Variants in CDH24 observed in about 807,000 individuals in gnomAD.
CDH24 encodes the protein cadherin-24.
Under a neutral mutation model 71.2 loss-of-function variants are expected in CDH24, and 61 were observed. The observed-to-expected ratio is 0.86, with a 90% CI of 0.70 to 1.06. The LOEUF (loss-of-function observed/expected upper bound fraction) is 1.06. CDH24 is among the 50% of genes least tolerant of loss of function. CDH24 has a pLI of 0.00. For synonymous variants in CDH24, 440 were observed against 470.2 expected, an observed-to-expected ratio of 0.94 and a Z score of 0.83; for missense variants, 961 against 1,083.7, an observed-to-expected ratio of 0.89 and a Z score of 1.59.
chr14:23,049,591 A>G (rs770013051), intron 10 of CDH24, 36 bp downstream of exon 10: 26 of 1,232,318 alleles, frequency 2.1e-5, no homozygotes, highest in Non-Finnish European at 2.6e-5. Flanking sequence ...AAGGGGACAG[A>G]GGCAGGTATG....
In CDH24 at chr14:23,050,493, C is replaced by CCACACACACACA. The variant is rs10553168; in HGVS notation, c.1364-562_1364-551dup. 3.1e-3 allele frequency among the ~76,000 whole-genome samples: 448 copies of CCACACACACACA among 144,876 alleles called. 3 individuals carry two copies. The highest frequency in any genetic ancestry group is 0.01 in the African/African-American group (410 of 39,240). ...TGGGGTGGACAGACACATATACACA[C>CCACACACACACA]CACACACACACACACACACACACAC... On this transcript the variant is annotated intron_variant, in intron 8 of 12. Coordinates refer to ENST00000487137, the MANE Select transcript of CDH24 (RefSeq NM_144985.4).
rs2139950337 is a variant in CDH24 at position 23,054,840 on chromosome 14, G to A, written c.523C>T (p.His175Tyr). 4 of 1,613,574 alleles carry A rather than the reference G, an allele frequency of 2.5e-6. No individual in the cohort carries two copies. The highest frequency in any genetic ancestry group is 1.1e-5 in the South Asian group (1 of 91,038). Residue 175 changes from histidine (H) to tyrosine (Y), a missense_variant, in exon 4 of 13, where the codon CAC (histidine) becomes TAC (tyrosine). Around this residue, in one of 2 missense-constraint regions of CDH24, gnomAD observed 671 missense variants for 810.9 expected, o/e 0.83. Coordinates refer to ENST00000487137, the MANE Select transcript of CDH24 (RefSeq NM_144985.4). The surrounding 1 kb of genome is among the most constrained non-coding windows in gnomAD (Gnocchi z 5.2). ...CCATAGCTGGGGTCATCAGCATCGT[G>A]AGCAGTCACCTGGATCACTGATGTC... ...VGTSVIQVTA[H>Y]DADDPSYGNS...
rs1247452535 is a variant in CDH24, at chr14:23,049,661, G to C, written c.1563C>G (p.Gly521=). The part of the protein sequence containing the change: ...SSHVSFQGPL[G]PDANFTVQDN... ...CCTGGACAGTAAAGTTGGCATCAGG[G>C]CCCAGAGGACCTTGAAAGGAGACAT... Residue 521 remains glycine (G), a synonymous_variant, in exon 10 of 13, where the codon GGC becomes GGG. Transcript: ENST00000487137. The C allele has an allele frequency of 6.2e-7, 1 of 1,604,122 alleles. No individual in the cohort carries two copies. The highest frequency in any genetic ancestry group is 1.1e-5 in the South Asian group (1 of 89,346).
Position 23,048,233 on chromosome 14 carries a change from C to T in CDH24, c.2093G>A (p.Gly698Asp). ...ARVSRQPRPP[G>D]PADVAQLLAL... The stretch of plus-strand genomic sequence containing the variant: ...CAGGAGCTGCGCCACGTCGGCGGGG[C>T]CGGGGGGTCTGGGCTGGCGCGACAC... The change falls in exon 12 of 13, where the codon GGC becomes GAC. Residue 698 changes from glycine (G) to aspartate (D), a missense_variant. Gly to Asp is a moderately conservative substitution (Grantham distance 94). This residue lies in a region of CDH24 where 290 missense variants were observed against 272.8 expected (regional missense o/e 1.06). Coordinates refer to ENST00000487137, the MANE Select transcript of CDH24 (RefSeq NM_144985.4). The T allele has an allele frequency of 7.5e-7, 1 of 1,327,948 alleles. No homozygotes were observed. The highest frequency in any genetic ancestry group is 9.6e-7 in the Non-Finnish European group (1 of 1,041,842). The allele number at this position is 1,327,948 out of a possible 1,614,324, so 82.3% of individuals were successfully genotyped here.
Position 23,049,732 on chromosome 14 carries a change from G to C in CDH24, c.1492C>G (p.Gln498Glu). The change falls in exon 10 of 13, where the codon CAG becomes GAG. Residue 498 changes from glutamine (Q) to glutamate (E), a missense_variant. Physicochemically the swap from Gln to Glu is conservative, Grantham distance 29. Around this residue, in one of 2 missense-constraint regions of CDH24, gnomAD observed 671 missense variants for 810.9 expected, o/e 0.83. Coordinates refer to ENST00000487137, the MANE Select transcript of CDH24 (RefSeq NM_144985.4). The part of the protein sequence containing the change: ...CDSAAPGQLI[Q>E]VIRALDRDEV... ...TCTCTGTCCAGGGCCCGGATGACCT[G>C]AATCAGCTGGGAGGAAGAAGAGAGA... 6.2e-7 allele frequency: 1 copy of C among 1,612,002 alleles called. No homozygotes were observed. The highest frequency in any genetic ancestry group is 8.5e-7 in the Non-Finnish European group (1 of 1,178,492).
chr14:23,054,069 C>G lies in CDH24; in HGVS notation c.972+72G>C. The G allele has an allele frequency of 6.9e-7, 1 of 1,445,452 alleles. No individual in the cohort carries two copies. The highest frequency in any genetic ancestry group is 9.3e-7 in the Non-Finnish European group (1 of 1,074,502). The allele number at this position is 1,445,452 out of a possible 1,614,324, so 89.5% of individuals were successfully genotyped here. On this transcript the variant is annotated intron_variant, in intron 6 of 12. Transcript: ENST00000487137. The surrounding 1 kb of genome is among the most constrained non-coding windows in gnomAD (Gnocchi z 5.2). ...AGATCCTGAGTCTGTTCTAGAAGAA[C>G]AGTTAAATATGTGCCCTGTGGGTCG...
At chr14:23,050,907 C>T (rs1566722545) in intron 8 of CDH24, among the ~76,000 whole-genome samples, 1 of 152,082 alleles carries the variant, frequency 6.6e-6, no homozygotes, top group Admixed American at 6.6e-5. Context: ...ATTGGGATAC[C>T]CCAGAGACAG....
chr14:23,048,279 C>T lies in CDH24; in HGVS notation c.2047G>A (p.Asp683Asn). ...PPAPGPPARR[D>N]VLPRARVSRQ... The stretch of plus-strand genomic sequence containing the variant: ...GACACCCGGGCCCGGGGCAACACGT[C>T]TCGGCGCGCGGGAGGGCCGGGCGCC... The change falls in exon 12 of 13, where the codon GAC becomes AAC. Residue 683 changes from aspartate to asparagine, a missense_variant. This residue lies in a region of CDH24 where 290 missense variants were observed against 272.8 expected (regional missense o/e 1.06). Transcript: ENST00000487137. 6.4e-7 allele frequency: 1 copy of T among 1,568,342 alleles called. No homozygotes were observed. The highest frequency in any genetic ancestry group is 1.1e-5 in the South Asian group (1 of 88,004).
Position 23,048,166 on chromosome 14 carries a change from G to T in CDH24, c.2160C>A (p.Pro720=), listed in dbSNP as rs372007178. The T allele has an allele frequency of 1.5e-6, 2 of 1,354,908 alleles. No individual in the cohort carries two copies. The highest frequency in any genetic ancestry group is 3.5e-5 in the Admixed American group (1 of 28,894). 83.9% of individuals were successfully genotyped at this position (1,354,908 alleles called of 1,614,324 possible). The change falls in exon 12 of 13, where the codon CCC becomes CCA. Residue 720 remains proline, a synonymous_variant. Coordinates refer to ENST00000487137, the MANE Select transcript of CDH24 (RefSeq NM_144985.4). The part of the protein sequence containing the change: ...LREADEDPGV[P]PYDSVQVYGY... Reference sequence around the variant, plus strand: ...CGTACACCTGCACCGAGTCGTACGGGGGTACGCCGGGGTCCTCGTCCGCCT... The same window carrying T: ...CGTACACCTGCACCGAGTCGTACGGTGGTACGCCGGGGTCCTCGTCCGCCT...
Position 23,048,230 on chromosome 14 carries a change from G to C in CDH24, c.2096C>G (p.Pro699Arg). The C allele has an allele frequency of 7.6e-7, 1 of 1,317,062 alleles. No individual in the cohort carries two copies. The highest frequency in any genetic ancestry group is 9.7e-7 in the Non-Finnish European group (1 of 1,035,266). 81.6% of individuals were successfully genotyped at this position (1,317,062 alleles called of 1,614,324 possible). A position where few individuals can be genotyped will look rare whatever the true frequency, so the allele number is the denominator to read the frequency against. Reference protein sequence around the residue: ...RVSRQPRPPGPADVAQLLALR... With the variant: ...RVSRQPRPPGRADVAQLLALR... The stretch of plus-strand genomic sequence containing the variant: ...CGCCAGGAGCTGCGCCACGTCGGCG[G>C]GGCCGGGGGGTCTGGGCTGGCGCGA... Residue 699 changes from proline to arginine, a missense_variant, in exon 12 of 13, where the codon CCC becomes CGC. This residue lies in a region of CDH24 where 290 missense variants were observed against 272.8 expected (regional missense o/e 1.06). Transcript: ENST00000487137.
At chr14:23,049,565 G>T (rs984046715) in intron 10 of CDH24, 62 bp downstream of exon 10, 12 of 1,015,752 alleles carry the variant, frequency 1.2e-5, no homozygotes, top group Non-Finnish European at 1.8e-5. Context: ...CTGGGCTAGG[G>T]GTGGAGGAGG....
At position 23,054,146 on chromosome 14, in the gene CDH24, G is replaced by C; in HGVS notation, c.967C>G (p.Arg323Gly). 6.3e-7 allele frequency: 1 copy of C among 1,594,684 alleles called. No homozygotes were observed. The highest frequency in any genetic ancestry group is 1.1e-5 in the South Asian group (1 of 89,534). Residue 323 changes from arginine (R) to glycine (G), a missense_variant, in exon 6 of 13, where the codon CGC becomes GGC. Arg to Gly is a moderately radical substitution (Grantham distance 125, BLOSUM62 -2). Transcript: ENST00000487137. This position sits in a 1 kb window ranked among gnomAD's most constrained non-coding sequence, Gnocchi z 5.2. ...LQGRDGLLTV[R>G]KPLDFESQRS... is the part of the protein sequence containing the mutation. ...TTAACAGGCAGGAGGCTAACCTTGC[G>C]GACAGTGAGGAGCCCGTCTCGACCC...
At position 23,055,360 on chromosome 14, in the gene CDH24, G is replaced by T. The variant is rs1259408022; in HGVS notation, c.202-7C>A. The T allele has an allele frequency of 1.9e-6, 3 of 1,603,124 alleles. No individual in the cohort carries two copies. Among genetic ancestry groups the T allele is most frequent in the Non-Finnish European group, 1.7e-6 (2 of 1,170,966 alleles). ...GGTCAACATCCGAGTGCAGCTGCAGGGGTCACGAAAAGATGGCAGAGGGCT... is the reference window on the plus strand; with the variant it reads ...GGTCAACATCCGAGTGCAGCTGCAGTGGTCACGAAAAGATGGCAGAGGGCT... On this transcript the variant is annotated splice_polypyrimidine_tract_variant and splice_region_variant and intron_variant, in intron 2 of 12. Coordinates refer to ENST00000487137, the MANE Select transcript of CDH24 (RefSeq NM_144985.4). The surrounding 1 kb of genome is among the most constrained non-coding windows in gnomAD (Gnocchi z 4.1).
rs1467071153 is a variant in CDH24 at position 23,054,373 on chromosome 14, C to T, written c.785-45G>A. On this transcript the variant is annotated intron_variant, in intron 5 of 12. Transcript: ENST00000487137. This position sits in a 1 kb window ranked among gnomAD's most constrained non-coding sequence, Gnocchi z 5.2. ...GACACCTTCTCAGAGAGGTCCCCAGCCCTCCTCCCTCCCCACAGCACTTTA... is the reference window on the plus strand; with the variant it reads ...GACACCTTCTCAGAGAGGTCCCCAGTCCTCCTCCCTCCCCACAGCACTTTA... 6.5e-7 allele frequency: 1 copy of T among 1,544,024 alleles called. No homozygotes were observed. Among genetic ancestry groups the T allele is most frequent in the East Asian group, 2.3e-5 (1 of 44,222 alleles).
At chr14:23,050,875 AG>A (rs2047081097) in intron 8 of CDH24, among the ~76,000 whole-genome samples, 1 of 152,160 alleles carries the variant, frequency 6.6e-6, no homozygotes, top group Non-Finnish European at 1.5e-5. Flanking sequence ...GGGGAGGCTG[AG>A]TGGATCGCCT....
rs918910525 is a variant in CDH24, at chr14:23,054,118, G to A, written c.972+23C>T. 7 of 1,567,744 alleles carry A rather than the reference G, an allele frequency of 4.5e-6. No individual in the cohort carries two copies. The African/African-American group carries it at 9.5e-5, about 21-fold the overall frequency. On this transcript the variant is annotated intron_variant, in intron 6 of 12. Transcript: ENST00000487137. The surrounding 1 kb of genome is among the most constrained non-coding windows in gnomAD (Gnocchi z 5.2). ...CGGCAGGAGGCAGGTCTAAGAGAAA[G>A]CATTAACAGGCAGGAGGCTAACCTT...
In CDH24 at chr14:23,049,226, A is replaced by G; in HGVS notation, c.1647T>C (p.His549=). The change falls in exon 11 of 13, where the codon CAT becomes CAC. Residue 549 remains histidine, a synonymous_variant. Transcript: ENST00000487137. The stretch of plus-strand genomic sequence containing the variant: ...GTTCTATGGGAACCAAGTAGGGGGC[A>G]TGGCGGGGTGGAGCAGGGCGGGAGG... ...LLPSRPAPPR[H]APYLVPIELW... 1 of 1,574,618 alleles carries G rather than the reference A, an allele frequency of 6.4e-7. No homozygotes were observed. The highest frequency in any genetic ancestry group is 8.6e-7 in the Non-Finnish European group (1 of 1,159,348).
In CDH24 at chr14:23,054,830, T is replaced by A; in HGVS notation, c.533A>T (p.Asp178Val). The part of the protein sequence containing the change: ...SVIQVTAHDA[D>V]DPSYGNSAKL... ...GGCACTGTTCCCATAGCTGGGGTCATCAGCATCGTGAGCAGTCACCTGGAT... is the reference window on the plus strand; with the variant it reads ...GGCACTGTTCCCATAGCTGGGGTCAACAGCATCGTGAGCAGTCACCTGGAT... The change falls in exon 4 of 13, where the codon GAT (aspartate) becomes GTT (valine). Residue 178 changes from aspartate (D) to valine (V), a missense_variant. Around this residue, in one of 2 missense-constraint regions of CDH24, gnomAD observed 671 missense variants for 810.9 expected, o/e 0.83. Coordinates refer to ENST00000487137, the MANE Select transcript of CDH24 (RefSeq NM_144985.4). This position sits in a 1 kb window ranked among gnomAD's most constrained non-coding sequence, Gnocchi z 5.2. 2 of 1,613,698 alleles carry A rather than the reference T, an allele frequency of 1.2e-6. No individual in the cohort carries two copies. The highest frequency in any genetic ancestry group is 1.3e-5 in the African/African-American group (1 of 74,978).
intron 11 of CDH24, 21 bp from the exon 12 acceptor site, chr14:23,048,500 C>T: frequency 6.3e-7 from 1 of 1,599,378 alleles, no homozygotes; most frequent in Middle Eastern, 1.7e-4. Context: ...GGCGCGCACA[C>T]AGGCCCTGAG....
Sources: gnomAD v4.1 joint callset for allele counts (sites outside exome capture counted in the v4.1 genomes callset) on GRCh38, gnomAD v4.1.1 for gene constraint, gnomAD v4.1.1 regional missense constraint, Gnocchi (gnomAD v3.1) non-coding constraint, MANE v1.5 for transcripts, NCBI Gene and HGNC (gene_info 2026-07-23, HGNC 2026-07-21) for gene names.